Variants in TEAD1 observed in about 807,000 individuals in gnomAD.
TEAD1 encodes the protein transcriptional enhancer factor TEF-1.
TEAD1 carries 9 observed loss-of-function variants against 54.9 expected under a neutral mutation model. The ratio of observed to expected loss-of-function variants is 0.16; its 90% CI spans 0.10 to 0.29. The LOEUF is 0.29. Among genes scored for constraint, TEAD1 ranks in the 10% least tolerant of loss-of-function variants. The pLI is 1.00. For synonymous variants in TEAD1, 200 were observed against 187.8 expected (o/e 1.07, Z -0.53); for missense variants, 387 against 535.9 (o/e 0.72, Z 2.74).
intron 3 of TEAD1, among the ~76,000 whole-genome samples, chr11:12,832,499 G>A (rs775246523): frequency 1.1e-4 from 17 of 152,156 alleles, no homozygotes; most frequent in Admixed American, 3.3e-4. Context: ...TTAAGTTTAA[G>A]GTTTCCTTCT....
intron 2 of TEAD1, among the ~76,000 whole-genome samples, chr11:12,688,943 C>A (rs1441266926): frequency 6.6e-6 from 1 of 151,868 alleles, no homozygotes; most frequent in East Asian, 1.9e-4. Context: ...TCGTCTTCCT[C>A]CTTTGGGTTT....
chr11:12,694,075 G>A (rs1165359361), intron 2 of TEAD1, among the ~76,000 whole-genome samples: 2 of 152,194 alleles, frequency 1.3e-5, no homozygotes, highest in African/African-American at 4.8e-5. Flanking sequence ...TCTGCTGTGC[G>A]GCCCGGCACA....
intron 2 of TEAD1, among the ~76,000 whole-genome samples, chr11:12,704,453 G>A (rs1031722785): frequency 5.3e-5 from 8 of 152,176 alleles, no homozygotes; most frequent in African/African-American, 1.9e-4. Flanking sequence ...TGCTTCCACC[G>A]GCATCTGCCT....
At chr11:12,753,271 C>T (rs945684098) in intron 2 of TEAD1, among the ~76,000 whole-genome samples, 3 of 152,190 alleles carry the variant, frequency 2.0e-5, no homozygotes, top group Admixed American at 1.3e-4. Context: ...ATTTCTTTAG[C>T]ATCTCTACCT....
intron 2 of TEAD1, among the ~76,000 whole-genome samples, chr11:12,759,359 T>C (rs1945055293): frequency 6.8e-6 from 1 of 147,974 alleles, no homozygotes; most frequent in African/African-American, 2.7e-5. Context: ...ATGTTACTCT[T>C]TTTGAAGCCT....
At chr11:12,902,369 C>G (rs1948440523) in intron 10 of TEAD1, among the ~76,000 whole-genome samples, 1 of 152,248 alleles carries the variant, frequency 6.6e-6, no homozygotes, top group Non-Finnish European at 1.5e-5. Context: ...CTTTGGACTT[C>G]ACTTAAATTC....
intron 3 of TEAD1, among the ~76,000 whole-genome samples, chr11:12,831,318 G>C (rs1245785412): frequency 2.0e-5 from 3 of 152,056 alleles, no homozygotes; most frequent in Non-Finnish European, 4.4e-5. Flanking sequence ...TGCCAGCTGA[G>C]GGCTTTCTTC....
chr11:12,908,156 A>G (rs768919496), intron 10 of TEAD1, among the ~76,000 whole-genome samples: 2 of 152,144 alleles, frequency 1.3e-5, no homozygotes, highest in African/African-American at 4.8e-5. Context: ...AACAGAGGAT[A>G]GTCCAGGAGC....
chr11:12,842,131 T>A (rs973074033), intron 3 of TEAD1, among the ~76,000 whole-genome samples: 2 of 152,156 alleles, frequency 1.3e-5, no homozygotes, highest in East Asian at 3.9e-4. Context: ...TAATGATATA[T>A]AGCTTGTCAT....
At chr11:12,720,446 C>A (rs1944169960) in intron 2 of TEAD1, among the ~76,000 whole-genome samples, 1 of 152,168 alleles carries the variant, frequency 6.6e-6, no homozygotes, top group African/African-American at 2.4e-5. Context: ...CAACAGATAT[C>A]ATTTACTGCA....
At chr11:12,700,581 C>T (rs1943678675) in intron 2 of TEAD1, among the ~76,000 whole-genome samples, 2 of 152,118 alleles carry the variant, frequency 1.3e-5, no homozygotes, top group African/African-American at 2.4e-5. Context: ...CTTTTAAAAG[C>T]CACATTGATC....
Position 12,681,708 on chromosome 11 carries a change from C to A in TEAD1, c.-55+6147C>A, listed in dbSNP as rs556268480. ...ACCCTCATTCACCAAATACTTGTGT[C>A]TCTGATATGTGGCAGGCATGGGGGA... On this transcript the variant is annotated intron_variant, in intron 2 of 12. Transcript: ENST00000527636. Among the ~76,000 whole-genome samples the A allele has an allele frequency of 2.0e-5, 3 of 152,366 alleles. No individual in the cohort carries two copies. The South Asian group carries it at 6.2e-4, about 32-fold the overall frequency.
At position 12,942,757 on chromosome 11, in the gene TEAD1, C is replaced by G. The variant is rs1321576551; in HGVS notation, c.*5535C>G. On this transcript the variant is annotated 3_prime_UTR_variant, in exon 13 of 13. Transcript: ENST00000527636. ...TTAGGGTCGTTAAAATTGAAGTGTT[C>G]TTCTTAGGGCAAACATGTTGACTCC... The G allele has an allele frequency of 1.3e-5, 2 of 152,186 alleles. No individual in the cohort carries two copies. Among genetic ancestry groups the G allele is most frequent in the African/African-American group, 2.4e-5 (1 of 41,442 alleles). 9.4% of individuals were successfully genotyped at this position (152,186 alleles called of 1,614,324 possible). A position where few individuals can be genotyped will look rare whatever the true frequency, so the allele number is the denominator to read the frequency against.
At chr11:12,771,306 G>A (rs1457299599) in intron 3 of TEAD1, among the ~76,000 whole-genome samples, 1 of 152,180 alleles carries the variant, frequency 6.6e-6, no homozygotes, top group Non-Finnish European at 1.5e-5. Context: ...TTTCAGGAGA[G>A]ATGACATGTC....
chr11:12,857,171 C>G (rs977822008), intron 3 of TEAD1, among the ~76,000 whole-genome samples: 2 of 152,140 alleles, frequency 1.3e-5, no homozygotes, highest in Non-Finnish European at 2.9e-5. Context: ...ATGATGGGCT[C>G]ATTTCGAACT....
At chr11:12,724,065 T>C (rs1043815110) in intron 2 of TEAD1, among the ~76,000 whole-genome samples, 1 of 152,210 alleles carries the variant, frequency 6.6e-6, no homozygotes, top group African/African-American at 2.4e-5. Context: ...GCAGTGGTGC[T>C]CAGCATTTGA....
chr11:12,765,648 C>T (rs892269638), intron 3 of TEAD1, among the ~76,000 whole-genome samples: 1 of 152,160 alleles, frequency 6.6e-6, no homozygotes, highest in African/African-American at 2.4e-5. Context: ...CTCCTCCTCT[C>T]CAACTTGGAT....
intron 4 of TEAD1, among the ~76,000 whole-genome samples, chr11:12,862,871 G>A (rs1456800657): frequency 6.6e-6 from 1 of 152,146 alleles, no homozygotes; most frequent in African/African-American, 2.4e-5. Context: ...CAATACCTCT[G>A]TGCAGAGCAG....
intron 4 of TEAD1, 86 bp from the exon 5 acceptor site, chr11:12,864,752 C>G: frequency 6.2e-7 from 1 of 1,611,674 alleles, no homozygotes; most frequent in South Asian, 1.1e-5. Flanking sequence ...CATTAAGGTA[C>G]GTCTGGCTTG....
Sources: allele counts gnomAD v4.1 joint callset (sites outside exome capture counted in the v4.1 genomes callset), GRCh38; gene constraint gnomAD v4.1.1; transcripts MANE v1.5; gene names NCBI Gene and HGNC (gene_info 2026-07-23, HGNC 2026-07-21).